RAB3GAP1: variants seen among roughly 807,000 people sequenced by gnomAD.
The protein encoded by RAB3GAP1 is rab3 GTPase-activating protein catalytic subunit.
A neutral mutation model predicts 130.7 loss-of-function variants in RAB3GAP1; 86 were observed. The ratio of observed to expected loss-of-function variants is 0.66; its 90% CI spans 0.55 to 0.79. RAB3GAP1 has a LOEUF of 0.79. Ranked by LOEUF, RAB3GAP1 falls within the 30% of genes least tolerant of loss-of-function variation. The pLI, the probability that RAB3GAP1 is intolerant of heterozygous loss-of-function variation, is 0.00. For missense variants in RAB3GAP1, 1,029 were observed against 1,169.4 expected, an observed-to-expected ratio of 0.88 and a Z score of 1.75; for synonymous variants, 367 against 401.7, an observed-to-expected ratio of 0.91 and a Z score of 1.03.
chr2:135,117,822 CTTCTTCTTCT>C (rs1414961441), intron 7 of RAB3GAP1, among the ~76,000 whole-genome samples: 2 of 124,868 alleles, frequency 1.6e-5, no homozygotes, highest in East Asian at 2.3e-4. Flanking sequence ...CTTCTTCTTT[CTTCTTCTTCT>C]TTCTTCTTCT....
At chr2:135,157,007 A>G (rs1245075236) in intron 19 of RAB3GAP1, among the ~76,000 whole-genome samples, 2 of 152,220 alleles carry the variant, frequency 1.3e-5, no homozygotes, top group African/African-American at 4.8e-5. Context: ...ATAAGGGGAA[A>G]GTAAAATACT....
chr2:135,119,573 C>T lies in RAB3GAP1; in HGVS notation c.649-1246C>T, dbSNP rs1691135597. Among the ~76,000 whole-genome samples, 2 of 151,616 alleles carry T rather than the reference C, an allele frequency of 1.3e-5. 1 individual carries two copies. The highest frequency in any genetic ancestry group is 4.2e-4 in the South Asian group (2 of 4,788). ...CATGACTAAAAAGTTGATATACTGA[C>T]CAGCCAAAATCTCACCTTGCTGTTG... On this transcript the variant is annotated intron_variant, in intron 7 of 23. Transcript: ENST00000264158.
intron 6 of RAB3GAP1, among the ~76,000 whole-genome samples, chr2:135,114,128 T>A (rs1046091964): frequency 6.6e-6 from 1 of 152,230 alleles, no homozygotes; most frequent in Admixed American, 6.5e-5. Flanking sequence ...TACTGGAATT[T>A]GGTATATAAG....
At chr2:135,110,934 G>A (rs1253573472) in intron 5 of RAB3GAP1, among the ~76,000 whole-genome samples, 2 of 152,030 alleles carry the variant, frequency 1.3e-5, no homozygotes, top group Non-Finnish European at 2.9e-5. Context: ...GATGGAACGG[G>A]GATGTTCACT....
intron 3 of RAB3GAP1, among the ~76,000 whole-genome samples, chr2:135,070,304 C>T (rs1689431229): frequency 6.6e-6 from 1 of 152,178 alleles, no homozygotes; most frequent in African/African-American, 2.4e-5. Context: ...TTTGCCTCAG[C>T]TTCTTCTTTT....
At chr2:135,061,048 G>A (rs2104826603) in intron 3 of RAB3GAP1, among the ~76,000 whole-genome samples, 1 of 142,680 alleles carries the variant, frequency 7.0e-6, no homozygotes, top group South Asian at 2.2e-4. Flanking sequence ...ACTGTCACCT[G>A]CTTTAGAACT....
chr2:135,113,892 A>T (rs1690893614), intron 6 of RAB3GAP1, among the ~76,000 whole-genome samples: 1 of 151,862 alleles, frequency 6.6e-6, no homozygotes, highest in South Asian at 2.1e-4. Flanking sequence ...GGTGTTCACC[A>T]CCCTTGGCTA....
chr2:135,075,683 G>A (rs550210969), intron 3 of RAB3GAP1, among the ~76,000 whole-genome samples: 161 of 141,606 alleles, frequency 1.1e-3, no homozygotes, highest in African/African-American at 3.1e-3. Context: ...TTTTTTGGGG[G>A]GGGTCACTAT....
intron 2 of RAB3GAP1, among the ~76,000 whole-genome samples, 175 bp from the exon 3 acceptor site, chr2:135,057,836 G>A (rs988012089): frequency 1.3e-5 from 2 of 152,166 alleles, no homozygotes; most frequent in African/African-American, 4.8e-5. Flanking sequence ...ATTCTTGAAT[G>A]AAAGAAGATT....
chr2:135,081,222 G>A, intron 3 of RAB3GAP1, among the ~76,000 whole-genome samples: 1 of 146,940 alleles, frequency 6.8e-6, no homozygotes, highest in East Asian at 2.0e-4. Flanking sequence ...CAGGAGAATG[G>A]CGTGAACCCG....
At chr2:135,089,550 C>T (rs62168959) in intron 3 of RAB3GAP1, 6,388 of 152,714 alleles carry the variant, frequency 0.042, 160 homozygotes, top group African/African-American at 0.055. Flanking sequence ...TTTGTGTCCT[C>T]TCTTATTTCC....
chr2:135,161,688 C>CA (rs368652831), intron 19 of RAB3GAP1, among the ~76,000 whole-genome samples: 2 of 150,730 alleles, frequency 1.3e-5, no homozygotes, highest in Non-Finnish European at 3.0e-5. Flanking sequence ...CTCTCTAAGC[C>CA]AAAAAAAAGT....
chr2:135,092,527 C>G (rs1188154699), intron 4 of RAB3GAP1, among the ~76,000 whole-genome samples: 1 of 152,174 alleles, frequency 6.6e-6, no homozygotes. Flanking sequence ...ACCTCCGCCT[C>G]CCGGGTTCAA....
At chr2:135,100,539 G>C (rs535383925) in intron 5 of RAB3GAP1, among the ~76,000 whole-genome samples, 1 of 152,294 alleles carries the variant, frequency 6.6e-6, no homozygotes, top group South Asian at 2.1e-4. Context: ...TTGGGACAAG[G>C]AGGGCCTGTG....
At chr2:135,108,592 C>G (rs549135694) in intron 5 of RAB3GAP1, among the ~76,000 whole-genome samples, 2 of 151,270 alleles carry the variant, frequency 1.3e-5, no homozygotes, top group East Asian at 3.9e-4. Context: ...GATAACAGTC[C>G]TCTATCTGAA....
At chr2:135,123,865 A>G (rs1691270777) in intron 8 of RAB3GAP1, among the ~76,000 whole-genome samples, 1 of 152,242 alleles carries the variant, frequency 6.6e-6, no homozygotes, top group Non-Finnish European at 1.5e-5. Context: ...AAAAAAATGT[A>G]CAGAAATAAT....
downstream of RAB3GAP1, among the ~76,000 whole-genome samples, chr2:135,172,155 C>T (rs936439761): frequency 6.6e-6 from 1 of 152,010 alleles, no homozygotes; most frequent in African/African-American, 2.4e-5. Flanking sequence ...TGGGGCTGGG[C>T]GCAGTGGCTC....
At chr2:135,112,431 C>T (rs1296587807) in intron 5 of RAB3GAP1, among the ~76,000 whole-genome samples, 1 of 152,208 alleles carries the variant, frequency 6.6e-6, no homozygotes, top group Non-Finnish European at 1.5e-5. Flanking sequence ...TCTTCAATAA[C>T]CCAGGCCTGC....
chr2:135,105,565 G>T (rs1380305349), intron 5 of RAB3GAP1, among the ~76,000 whole-genome samples: 1 of 152,178 alleles, frequency 6.6e-6, no homozygotes, highest in East Asian at 1.9e-4. Context: ...GTGCAGTGGC[G>T]TGATCTCGGC....
Sources: allele counts gnomAD v4.1 joint callset (sites outside exome capture counted in the v4.1 genomes callset), GRCh38; gene constraint gnomAD v4.1.1; transcripts MANE v1.5; gene names NCBI Gene and HGNC (gene_info 2026-07-23, HGNC 2026-07-21).